Variants in MSI2 observed in about 807,000 individuals in gnomAD.
MSI2 encodes the protein RNA-binding protein Musashi homolog 2.
Under a neutral mutation model 45.6 loss-of-function variants are expected in MSI2, and 17 were observed. The ratio of observed to expected loss-of-function variants is 0.37; its 90% CI spans 0.26 to 0.56. MSI2 has a LOEUF of 0.56. MSI2 is among the 20% of genes least tolerant of loss of function. The pLI is 0.77. For missense variants in MSI2, 293 were observed against 444.2 expected (o/e 0.66, Z 3.06); for synonymous variants, 156 against 158.2 (o/e 0.99, Z 0.11).
At chr17:57,498,830 T>C (rs11079305) in intron 6 of MSI2, among the ~76,000 whole-genome samples, 93,079 of 151,526 alleles carry the variant, frequency 0.61, 30,045 homozygotes, top group Non-Finnish European at 0.71. Flanking sequence ...AGATTTGTTA[T>C]ATATGTATAC....
intron 9 of MSI2, chr17:57,625,988 A>G (rs1337563893): frequency 6.6e-6 from 1 of 152,292 alleles, no homozygotes; most frequent in Admixed American, 6.5e-5. Flanking sequence ...TACCAGCTCC[A>G]GAGGCAGATC....
intron 5 of MSI2, among the ~76,000 whole-genome samples, chr17:57,385,611 G>A (rs1293448102): frequency 6.6e-6 from 1 of 152,016 alleles, no homozygotes; most frequent in African/African-American, 2.4e-5. Flanking sequence ...AGATAGTGCC[G>A]TTGCACCCCA....
chr17:57,431,118 A>T (rs1331700777), intron 6 of MSI2, among the ~76,000 whole-genome samples: 1 of 152,136 alleles, frequency 6.6e-6, no homozygotes, highest in East Asian at 1.9e-4. Context: ...TCTCCTGCCC[A>T]TTCATTGTGA....
At chr17:57,674,884 G>A in intron 11 of MSI2, 88 bp from the exon 12 acceptor site, 1 of 1,557,518 alleles carries the variant, frequency 6.4e-7, no homozygotes, top group Non-Finnish European at 8.7e-7. Context: ...CCTGGCTTCT[G>A]GCCTCATACC....
intron 12 of MSI2, among the ~76,000 whole-genome samples, chr17:57,676,124 G>A (rs958598447): frequency 6.6e-6 from 1 of 152,252 alleles, no homozygotes; most frequent in African/African-American, 2.4e-5. Flanking sequence ...TGACTTGGGG[G>A]CCACGCTGCG....
At chr17:57,421,584 C>T (rs1055957126) in intron 6 of MSI2, among the ~76,000 whole-genome samples, 3 of 152,098 alleles carry the variant, frequency 2.0e-5, no homozygotes, top group Non-Finnish European at 4.4e-5. Flanking sequence ...TATACTTTTA[C>T]TGAGACAAAA....
intron 8 of MSI2, among the ~76,000 whole-genome samples, chr17:57,609,269 C>T (rs937875394): frequency 1.2e-4 from 19 of 152,062 alleles, no homozygotes; most frequent in Admixed American, 4.6e-4. Context: ...TGTTAGGAAA[C>T]GCCACAGAAG....
intron 5 of MSI2, among the ~76,000 whole-genome samples, chr17:57,284,566 A>T (rs1006662546): frequency 1.3e-5 from 2 of 152,258 alleles, no homozygotes; most frequent in African/African-American, 4.8e-5. Flanking sequence ...AGATGGGAAG[A>T]TGTGGTTTGA....
intron 7 of MSI2, among the ~76,000 whole-genome samples, chr17:57,553,879 C>CT (rs1303581606): frequency 6.6e-6 from 1 of 152,198 alleles, no homozygotes; most frequent in Non-Finnish European, 1.5e-5. Context: ...AAGTTTGTCT[C>CT]TTTCAAGAGA....
At chr17:57,401,995 G>A (rs2084001182) in intron 6 of MSI2, among the ~76,000 whole-genome samples, 1 of 152,206 alleles carries the variant, frequency 6.6e-6, no homozygotes. Flanking sequence ...CTGAATGTCT[G>A]TGAGACAGCA....
At chr17:57,335,723 G>A (rs11656023) in intron 5 of MSI2, among the ~76,000 whole-genome samples, 14,929 of 152,220 alleles carry the variant, frequency 0.098, 920 homozygotes, top group Non-Finnish European at 0.15. Flanking sequence ...AGACTGAAAC[G>A]GGGTGAAACG....
chr17:57,431,630 C>T (rs1015919864), intron 6 of MSI2, among the ~76,000 whole-genome samples: 25 of 152,178 alleles, frequency 1.6e-4, no homozygotes, highest in African/African-American at 4.6e-4. Context: ...CTTCCTGCCA[C>T]CCCTGGAGCT....
chr17:57,464,084 G>A (rs1355682549), intron 6 of MSI2, among the ~76,000 whole-genome samples: 1 of 151,588 alleles, frequency 6.6e-6, no homozygotes, highest in East Asian at 1.9e-4. Context: ...TGTCTCCTTG[G>A]TTGATATTTT....
chr17:57,631,464 A>C, intron 10 of MSI2: 1 of 298,232 alleles, frequency 3.4e-6, no homozygotes, highest in South Asian at 5.6e-5. Flanking sequence ...TTCCTGGGCC[A>C]CACAGCTGGT....
At chr17:57,311,896 T>C (rs1280396018) in intron 5 of MSI2, among the ~76,000 whole-genome samples, 2 of 152,142 alleles carry the variant, frequency 1.3e-5, no homozygotes, top group East Asian at 1.9e-4. Context: ...GTGGTTCTCA[T>C]TATTTTGCCC....
intron 5 of MSI2, among the ~76,000 whole-genome samples, chr17:57,323,613 G>A (rs111249410): frequency 1.8e-3 from 275 of 152,372 alleles, no homozygotes; most frequent in African/African-American, 6.2e-3. Flanking sequence ...TGCCTGTGCT[G>A]CGCTGCCAAG....
At chr17:57,434,380 A>T (rs542885916) in intron 6 of MSI2, among the ~76,000 whole-genome samples, 1 of 152,198 alleles carries the variant, frequency 6.6e-6, no homozygotes, top group South Asian at 2.1e-4. Context: ...GATTACAGGC[A>T]TGAGCCACCG....
At chr17:57,391,944 G>T (rs1567797281) in intron 5 of MSI2, among the ~76,000 whole-genome samples, 2 of 152,238 alleles carry the variant, frequency 1.3e-5, no homozygotes, top group South Asian at 4.1e-4. Context: ...ACTTGAGAAA[G>T]TCTTTGGGGT....
chr17:57,654,356 G>T (rs1911425613), intron 11 of MSI2, among the ~76,000 whole-genome samples: 1 of 152,234 alleles, frequency 6.6e-6, no homozygotes, highest in African/African-American at 2.4e-5. Context: ...AGGGTTACAG[G>T]TTTGGGAAAG....
Sources: gnomAD v4.1 joint callset for allele counts (sites outside exome capture counted in the v4.1 genomes callset) on GRCh38, gnomAD v4.1.1 for gene constraint, MANE v1.5 for transcripts, NCBI Gene and HGNC (gene_info 2026-07-23, HGNC 2026-07-21) for gene names.